The following AIG1 variants were observed in gnomAD, a reference collection of about 807,000 sequenced individuals.
The protein encoded by AIG1 is androgen induced 1.
In AIG1, 23 loss-of-function variants were observed where a neutral mutation model predicts 31.4. That is an observed-to-expected ratio of 0.73 (90% confidence interval 0.53 to 1.04). The LOEUF (loss-of-function observed/expected upper bound fraction) is 1.04. Among genes scored for constraint, AIG1 ranks in the 50% least tolerant of loss-of-function variants. AIG1 has a pLI of 0.00. For missense variants in AIG1, 274 were observed against 295.0 expected, an observed-to-expected ratio of 0.93 and a Z score of 0.52; for synonymous variants, 100 against 110.5, an observed-to-expected ratio of 0.90 and a Z score of 0.60.
intron 1 of AIG1, among the ~76,000 whole-genome samples, chr6:143,133,429 A>G (rs867011011): frequency 2.0e-5 from 3 of 152,050 alleles, no homozygotes; most frequent in African/African-American, 4.8e-5. Context: ...TGTTTAGCCT[A>G]TTGCTTGTAG....
chr6:143,258,149 AC>A lies in AIG1; in HGVS notation c.400-25960del, dbSNP rs1795495451. On this transcript the variant is annotated intron_variant, in intron 3 of 5. Coordinates refer to ENST00000357847, the MANE Select transcript of AIG1 (RefSeq NM_016108.4). The surrounding 1 kb of genome is among the most constrained non-coding windows in gnomAD (Gnocchi z 4.7). ...TACTGACAAAGGCCGGACATTTCTC[AC>A]TAGAATTAACCATTTCTATAAAATG... 6.6e-6 allele frequency among the ~76,000 whole-genome samples: 1 copy of A among 152,186 alleles called. No homozygotes were observed. Among genetic ancestry groups the A allele is most frequent in the Admixed American group, 6.5e-5 (1 of 15,282 alleles).
intron 1 of AIG1, among the ~76,000 whole-genome samples, chr6:143,085,704 T>C (rs1469819764): frequency 1.3e-5 from 2 of 152,330 alleles, no homozygotes; most frequent in Non-Finnish European, 2.9e-5. Flanking sequence ...TGCAAACAGC[T>C]CAGACATTTG....
At chr6:143,081,301 G>T (rs1778236041) in intron 1 of AIG1, among the ~76,000 whole-genome samples, 1 of 152,112 alleles carries the variant, frequency 6.6e-6, no homozygotes. Flanking sequence ...GATACTCCCT[G>T]CGTTACTGCA....
intron 2 of AIG1, among the ~76,000 whole-genome samples, chr6:143,142,817 A>G (rs1006317364): frequency 1.3e-5 from 2 of 152,214 alleles, no homozygotes; most frequent in Admixed American, 6.5e-5. Context: ...ATGGGACTGT[A>G]TGGTATCTGC....
intron 1 of AIG1, among the ~76,000 whole-genome samples, chr6:143,090,601 G>T (rs1779217359): frequency 1.3e-5 from 2 of 152,136 alleles, no homozygotes; most frequent in African/African-American, 4.8e-5. Flanking sequence ...TAAAAGTTAT[G>T]TTTACACTTT....
intron 1 of AIG1, among the ~76,000 whole-genome samples, chr6:143,114,857 T>C (rs1027388252): frequency 2.0e-5 from 3 of 152,204 alleles, no homozygotes; most frequent in African/African-American, 7.2e-5. Flanking sequence ...ACTTCTTCAT[T>C]TGTGAGATAG....
At chr6:143,106,430 C>G (rs934008084) in intron 1 of AIG1, among the ~76,000 whole-genome samples, 2 of 152,158 alleles carry the variant, frequency 1.3e-5, no homozygotes, top group African/African-American at 4.8e-5. Context: ...CCCTAGCAGA[C>G]AAATGCATGG....
At chr6:143,305,683 G>GA (rs1583811327) in intron 4 of AIG1, among the ~76,000 whole-genome samples, 1 of 152,110 alleles carries the variant, frequency 6.6e-6, no homozygotes, top group South Asian at 2.1e-4. Context: ...GTGCGGTGCT[G>GA]AAAAAAATGT....
At chr6:143,088,972 A>T (rs1413474068) in intron 1 of AIG1, among the ~76,000 whole-genome samples, 1 of 152,186 alleles carries the variant, frequency 6.6e-6, no homozygotes, top group Admixed American at 6.5e-5. Context: ...GCACTTTGGG[A>T]GGCTGAGACA....
chr6:143,314,239 G>A (rs1244461793), intron 4 of AIG1, among the ~76,000 whole-genome samples: 1 of 146,632 alleles, frequency 6.8e-6, no homozygotes, highest in East Asian at 2.0e-4. Context: ...GGTAGCCCAT[G>A]CCTATAGTCC....
At position 143,340,669 on chromosome 6, in the gene AIG1, A is replaced by C. The variant is rs1231825554; in HGVS notation, c.*993A>C. ...AGTAGAGACGGGGTTTCACCTTGTT[A>C]GCCAGGATGGTCTCGATCTCCTGAC... On this transcript the variant is annotated 3_prime_UTR_variant, in exon 6 of 6. Transcript: ENST00000357847. 6.6e-6 allele frequency among the ~76,000 whole-genome samples: 1 copy of C among 151,982 alleles called. No homozygotes were observed. Among genetic ancestry groups the C allele is most frequent in the African/African-American group, 2.4e-5 (1 of 41,374 alleles).
chr6:143,272,258 G>C (rs1796576758), intron 3 of AIG1, among the ~76,000 whole-genome samples: 1 of 152,134 alleles, frequency 6.6e-6, no homozygotes, highest in Non-Finnish European at 1.5e-5. Flanking sequence ...AGTCAGAATA[G>C]GCTAACTTAC....
At chr6:143,156,141 G>A (rs1165314394) in intron 2 of AIG1, among the ~76,000 whole-genome samples, 4 of 152,286 alleles carry the variant, frequency 2.6e-5, no homozygotes, top group Middle Eastern at 3.4e-3. Flanking sequence ...TGGTGCAAAC[G>A]TAATTGTGCT....
At chr6:143,102,560 G>T (rs1379017603) in intron 1 of AIG1, among the ~76,000 whole-genome samples, 1 of 146,638 alleles carries the variant, frequency 6.8e-6, no homozygotes, top group Non-Finnish European at 1.5e-5. Context: ...AAAAGATAAT[G>T]TTATATAAAT....
chr6:143,149,998 A>G (rs964928390), intron 2 of AIG1, among the ~76,000 whole-genome samples: 3 of 152,236 alleles, frequency 2.0e-5, no homozygotes, highest in Non-Finnish European at 2.9e-5. Context: ...AAGTGATCCA[A>G]TGCATTCCAT....
intron 2 of AIG1, among the ~76,000 whole-genome samples, chr6:143,138,208 G>A (rs967256521): frequency 1.3e-5 from 2 of 152,126 alleles, no homozygotes; most frequent in African/African-American, 4.8e-5. Flanking sequence ...AAATAAATGA[G>A]TACTCAGATT....
intron 3 of AIG1, among the ~76,000 whole-genome samples, chr6:143,168,364 T>G (rs983860003): frequency 6.6e-6 from 1 of 151,656 alleles, no homozygotes; most frequent in Non-Finnish European, 1.5e-5. Context: ...CCATTAACTC[T>G]TCATTTAACA....
chr6:143,130,092 A>G (rs556990525), intron 1 of AIG1, among the ~76,000 whole-genome samples: 7 of 151,910 alleles, frequency 4.6e-5, no homozygotes, highest in African/African-American at 1.7e-4. Flanking sequence ...CACCATGCCC[A>G]GCTAATTTTT....
At chr6:143,077,836 A>G (rs937236776) in intron 1 of AIG1, among the ~76,000 whole-genome samples, 19 of 152,322 alleles carry the variant, frequency 1.2e-4, no homozygotes, top group African/African-American at 4.3e-4. Flanking sequence ...TTTACATCCA[A>G]CCATCACTTT....
Sources: allele counts gnomAD v4.1 joint callset (sites outside exome capture counted in the v4.1 genomes callset), GRCh38; gene constraint gnomAD v4.1.1; non-coding constraint Gnocchi (gnomAD v3.1); transcripts MANE v1.5; gene names NCBI Gene and HGNC (gene_info 2026-07-23, HGNC 2026-07-21).